OSMR: variants seen among roughly 807,000 people sequenced by gnomAD.
OSMR encodes oncostatin M receptor, also known as oncostatin-M-specific receptor subunit beta.
OSMR carries 81 observed loss-of-function variants against 99.9 expected under a neutral mutation model. The observed-to-expected ratio is 0.81, with a 90% confidence interval of 0.68 to 0.97. OSMR has a LOEUF of 0.97. Among genes scored for constraint, OSMR ranks in the 50% least tolerant of loss-of-function variants. The pLI is 0.00. For synonymous variants in OSMR, 406 were observed against 410.4 expected (o/e 0.99, Z 0.13); for missense variants, 1,099 against 1,153.4 (o/e 0.95, Z 0.68).
At chr5:38,944,735 G>A (rs1351862127) in intron 2 of OSMR, among the ~76,000 whole-genome samples, 2 of 152,126 alleles carry the variant, frequency 1.3e-5, no homozygotes, top group African/African-American at 4.8e-5. Flanking sequence ...TAGCTAAGAG[G>A]CTCTATGTCA....
At chr5:38,904,620 G>T (rs1453431653) in intron 9 of OSMR, 117 bp downstream of exon 9, 3 of 1,275,514 alleles carry the variant, frequency 2.4e-6, no homozygotes, top group East Asian at 4.9e-5. Flanking sequence ...ACAGAGGCGG[G>T]GTAGCATTTA....
chr5:38,907,030 AG>A (rs1745284257), intron 9 of OSMR, among the ~76,000 whole-genome samples: 1 of 152,264 alleles, frequency 6.6e-6, no homozygotes, highest in Non-Finnish European at 1.5e-5. Flanking sequence ...TTTAAAAAAT[AG>A]AAGTTGGAGG....
At chr5:38,932,123 T>G (rs1746780210) in intron 16 of OSMR, among the ~76,000 whole-genome samples, 159 bp downstream of exon 16, 1 of 152,220 alleles carries the variant, frequency 6.6e-6, no homozygotes, top group Admixed American at 6.5e-5. Context: ...TATTTCACAA[T>G]TTTGTTTTCC....
At chr5:38,850,787 G>A (rs3805558) in intron 1 of OSMR, among the ~76,000 whole-genome samples, 37,627 of 152,090 alleles carry the variant, frequency 0.25, 4,891 homozygotes, top group South Asian at 0.4. Context: ...TTCATACACC[G>A]TGGTATTTCT....
At chr5:38,921,526 G>C in intron 11 of OSMR, 89 bp from the exon 12 acceptor site, 1 of 1,595,104 alleles carries the variant, frequency 6.3e-7, no homozygotes, top group South Asian at 1.1e-5. Context: ...TAGATACAGT[G>C]CATGTATGTA....
rs150198417 is a variant in OSMR at position 38,911,023 on chromosome 5, C to T, written c.1285+6520C>T. On this transcript the variant is annotated intron_variant, in intron 9 of 17. Coordinates refer to ENST00000274276, the MANE Select transcript of OSMR (RefSeq NM_003999.3). ...CTCAAATTAACAACCCAACATCACA[C>T]CTCAAAGAAGTAGAGAAACAAGAAC... 1.3e-4 allele frequency among the ~76,000 whole-genome samples: 20 copies of T among 152,048 alleles called. No individual in the cohort carries two copies. In the East Asian group the frequency reaches 3.7e-3, roughly 28 times the overall value.
downstream of OSMR, among the ~76,000 whole-genome samples, chr5:38,936,990 A>AG (rs1484981279): frequency 6.6e-6 from 1 of 152,240 alleles, no homozygotes; most frequent in African/African-American, 2.4e-5. Context: ...ACTTTTTTAA[A>AG]GGATCAGCGG....
chr5:38,864,073 G>A (rs1385509618), intron 1 of OSMR, among the ~76,000 whole-genome samples: 5 of 152,144 alleles, frequency 3.3e-5, no homozygotes, highest in African/African-American at 1.2e-4. Context: ...GTTGTAAGCA[G>A]CATGTAGTTG....
intron 1 of OSMR, among the ~76,000 whole-genome samples, chr5:38,854,000 C>T (rs987901744): frequency 1.3e-5 from 2 of 151,794 alleles, no homozygotes; most frequent in Non-Finnish European, 2.9e-5. Context: ...AAGGCAGAGG[C>T]CTCTTCAAAG....
rs770630708 is a variant in OSMR at position 38,884,105 on chromosome 5, G to T, written c.697G>T (p.Val233Phe). 3.7e-6 allele frequency: 6 copies of T among 1,612,512 alleles called. No individual in the cohort carries two copies. The highest frequency in any genetic ancestry group is 5.1e-6 in the Non-Finnish European group (6 of 1,178,652). The change falls in exon 5 of 18, where the codon GTC (valine) becomes TTC (phenylalanine). Residue 233 changes from valine (V) to phenylalanine (F), a missense_variant. Coordinates refer to ENST00000274276, the MANE Select transcript of OSMR (RefSeq NM_003999.3). ...SEGMKGIVLF[V>F]SKVLEEPKDF... ...AGGCATGAAAGGCATCGTTCTTTTTGTCTCAAGTAAGTGTGCAAATTCTCT... is the reference window on the plus strand; with the variant it reads ...AGGCATGAAAGGCATCGTTCTTTTTTTCTCAAGTAAGTGTGCAAATTCTCT...
At chr5:38,862,526 G>T (rs1405540096) in intron 1 of OSMR, among the ~76,000 whole-genome samples, 2 of 150,890 alleles carry the variant, frequency 1.3e-5, no homozygotes, top group Non-Finnish European at 3.0e-5. Context: ...TCTCAGACGG[G>T]GCAGTTGCCG....
intron 1 of OSMR, among the ~76,000 whole-genome samples, chr5:38,854,844 G>C (rs1263215087): frequency 6.6e-6 from 1 of 152,220 alleles, no homozygotes; most frequent in African/African-American, 2.4e-5. Flanking sequence ...AAAGGACCAA[G>C]TAGTGGGGAT....
chr5:38,907,575 T>C (rs1745325708), intron 9 of OSMR, among the ~76,000 whole-genome samples: 1 of 152,204 alleles, frequency 6.6e-6, no homozygotes, highest in Admixed American at 6.5e-5. Context: ...TGATCCCCTG[T>C]CTGCTGGCCA....
At chr5:38,936,747 G>A (rs138941846), downstream of OSMR, among the ~76,000 whole-genome samples, 26 of 152,308 alleles carry the variant, frequency 1.7e-4, no homozygotes, top group African/African-American at 6.0e-4. Flanking sequence ...TAAAACTCTG[G>A]AAGAGAGAAA....
At chr5:38,862,966 A>T (rs1741590392) in intron 1 of OSMR, among the ~76,000 whole-genome samples, 1 of 152,044 alleles carries the variant, frequency 6.6e-6, no homozygotes, top group Admixed American at 6.5e-5. Flanking sequence ...GCTGGAGACC[A>T]GCCCGGCCAA....
At chr5:38,856,404 G>T (rs1442388101) in intron 1 of OSMR, among the ~76,000 whole-genome samples, 2 of 152,164 alleles carry the variant, frequency 1.3e-5, no homozygotes, top group Non-Finnish European at 2.9e-5. Context: ...TGGTCCTCAG[G>T]TGGCCTGGGG....
At chr5:38,864,525 G>C (rs1741777222) in intron 1 of OSMR, among the ~76,000 whole-genome samples, 1 of 134,322 alleles carries the variant, frequency 7.4e-6, no homozygotes, top group African/African-American at 2.8e-5. Flanking sequence ...GCTGAATATA[G>C]TATTCTTGCC....
chr5:38,915,379 C>T (rs918066229), intron 9 of OSMR, among the ~76,000 whole-genome samples: 3 of 151,938 alleles, frequency 2.0e-5, no homozygotes, highest in African/African-American at 4.8e-5. Context: ...ATGTTTTTCT[C>T]GATTAAAATA....
intron 15 of OSMR, among the ~76,000 whole-genome samples, chr5:38,929,908 T>TA (rs1746643788): frequency 6.6e-6 from 1 of 152,224 alleles, no homozygotes; most frequent in African/African-American, 2.4e-5. Flanking sequence ...CACAGGTAGC[T>TA]ACTCTATATT....
Sources: gnomAD v4.1 joint callset for allele counts (sites outside exome capture counted in the v4.1 genomes callset) on GRCh38, gnomAD v4.1.1 for gene constraint, MANE v1.5 for transcripts, NCBI Gene and HGNC (gene_info 2026-07-23, HGNC 2026-07-21) for gene names.